SUMF1: variants seen among roughly 807,000 people sequenced by gnomAD.
The protein encoded by SUMF1 is formylglycine-generating enzyme.
A neutral mutation model predicts 47.6 loss-of-function variants in SUMF1; 48 were observed. That is an observed-to-expected ratio of 1.01 (90% CI 0.80 to 1.28). The LOEUF is 1.28. Among genes scored for constraint, SUMF1 ranks in the 50% most tolerant of loss-of-function variants. The pLI, the probability that SUMF1 is intolerant of heterozygous loss-of-function variation, is 0.00. For synonymous variants in SUMF1, 230 were observed against 192.1 expected (o/e 1.20, Z -1.63); for missense variants, 571 against 485.4 (o/e 1.18, Z -1.66).
chr3:4,108,344 T>C (rs1693206177), intron 8 of SUMF1, among the ~76,000 whole-genome samples: 1 of 152,154 alleles, frequency 6.6e-6, no homozygotes, highest in Non-Finnish European at 1.5e-5. Context: ...TACTTCCAAC[T>C]AAGTGGTCAA....
chr3:4,044,106 T>C (rs562989096), intron 9 of SUMF1, among the ~76,000 whole-genome samples: 2 of 152,142 alleles, frequency 1.3e-5, no homozygotes, highest in Non-Finnish European at 2.9e-5. Context: ...TAACCTATAA[T>C]AATAGTTGTG....
At chr3:4,092,461 C>T (rs975252507) in intron 8 of SUMF1, among the ~76,000 whole-genome samples, 2 of 152,086 alleles carry the variant, frequency 1.3e-5, no homozygotes, top group Non-Finnish European at 2.9e-5. Flanking sequence ...TTTGGTGATA[C>T]CACTATTTTA....
At chr3:4,392,388 T>C (rs946483226) in intron 7 of SUMF1, among the ~76,000 whole-genome samples, 2 of 152,064 alleles carry the variant, frequency 1.3e-5, no homozygotes, top group Non-Finnish European at 2.9e-5. Context: ...TAAGTCTTTG[T>C]TAAATCTAGC....
chr3:4,161,749 G>A (rs768538786), intron 8 of SUMF1, among the ~76,000 whole-genome samples: 4 of 152,062 alleles, frequency 2.6e-5, no homozygotes, highest in Non-Finnish European at 4.4e-5. Context: ...TAAGAGCCAA[G>A]ACCTAGAATC....
At chr3:4,214,668 TAG>T (rs577566819) in intron 8 of SUMF1, among the ~76,000 whole-genome samples, 8 of 150,578 alleles carry the variant, frequency 5.3e-5, no homozygotes, top group African/African-American at 1.9e-4. Context: ...GCAAGACTAA[TAG>T]AGAGAAGAAC....
At chr3:4,154,494 C>A (rs1694408533) in intron 8 of SUMF1, among the ~76,000 whole-genome samples, 1 of 151,560 alleles carries the variant, frequency 6.6e-6, no homozygotes, top group South Asian at 2.1e-4. Flanking sequence ...ATCCTTGCCA[C>A]AAACCTACAA....
intron 9 of SUMF1, among the ~76,000 whole-genome samples, chr3:4,059,759 T>C (rs1273578765): frequency 6.7e-6 from 1 of 148,328 alleles, no homozygotes; most frequent in Non-Finnish European, 1.5e-5. Context: ...CAACAAAAAC[T>C]GTGATCCATG....
intron 8 of SUMF1, among the ~76,000 whole-genome samples, chr3:4,124,036 G>A (rs187553850): frequency 2.8e-4 from 43 of 152,234 alleles, no homozygotes; most frequent in Non-Finnish European, 5.1e-4. Context: ...TTACTTACGA[G>A]AATGATTGAG....
intron 8 of SUMF1, among the ~76,000 whole-genome samples, chr3:4,363,481 A>G (rs1699839876): frequency 6.6e-6 from 1 of 151,616 alleles, no homozygotes; most frequent in South Asian, 2.1e-4. Context: ...TTCTCTTTGA[A>G]GTAATTGTGA....
At chr3:4,054,338 T>C (rs1464675114) in intron 9 of SUMF1, among the ~76,000 whole-genome samples, 1 of 152,154 alleles carries the variant, frequency 6.6e-6, no homozygotes, top group African/African-American at 2.4e-5. Context: ...TCTTTTGAAA[T>C]GTCAGCACTA....
chr3:4,307,744 T>A (rs1698246373), intron 8 of SUMF1, among the ~76,000 whole-genome samples: 1 of 152,142 alleles, frequency 6.6e-6, no homozygotes, highest in African/African-American at 2.4e-5. Context: ...GCAGGAAATT[T>A]AAAAAATCCC....
chr3:4,206,164 C>T (rs1044956654), intron 8 of SUMF1, among the ~76,000 whole-genome samples: 1 of 151,268 alleles, frequency 6.6e-6, no homozygotes, highest in Non-Finnish European at 1.5e-5. Flanking sequence ...TTCCTCTCAC[C>T]TCTCCTTTCC....
At chr3:4,040,680 G>A (rs1000653372) in intron 9 of SUMF1, among the ~76,000 whole-genome samples, 9 of 152,252 alleles carry the variant, frequency 5.9e-5, no homozygotes, top group South Asian at 4.1e-4. Flanking sequence ...AGTATGTCAC[G>A]TAAAACTAAC....
At chr3:4,166,710 T>C (rs1052010884) in intron 8 of SUMF1, among the ~76,000 whole-genome samples, 23 of 152,208 alleles carry the variant, frequency 1.5e-4, no homozygotes, top group Non-Finnish European at 2.5e-4. Flanking sequence ...GAGTCTCACT[T>C]GGGTGATGTA....
chr3:4,225,224 G>C (rs762836063), intron 8 of SUMF1, among the ~76,000 whole-genome samples: 23 of 152,240 alleles, frequency 1.5e-4, no homozygotes, highest in Middle Eastern at 3.4e-3. Flanking sequence ...GCTGACAATT[G>C]AGCCTTGAAG....
chr3:4,390,072 G>A (rs1700806505), intron 7 of SUMF1, among the ~76,000 whole-genome samples: 1 of 152,134 alleles, frequency 6.6e-6, no homozygotes, highest in Admixed American at 6.5e-5. Flanking sequence ...AAAAGACTCT[G>A]GATCTTATTA....
At chr3:4,060,360 G>A (rs1259235287) in intron 9 of SUMF1, among the ~76,000 whole-genome samples, 1 of 152,178 alleles carries the variant, frequency 6.6e-6, no homozygotes, top group African/African-American at 2.4e-5. Flanking sequence ...GGAATCCCAG[G>A]AATGCCACTG....
Position 4,242,659 on chromosome 3 carries a change from G to A in SUMF1, c.1014+133671C>T, listed in dbSNP as rs143171075. Among the ~76,000 whole-genome samples the A allele has an allele frequency of 1.8e-3, 281 of 152,244 alleles. 2 individuals carry two copies. The highest frequency in any genetic ancestry group is 6.4e-3 in the African/African-American group (267 of 41,540). On this transcript the variant is annotated intron_variant and NMD_transcript_variant, in intron 8 of 12. Coordinates refer to the SUMF1 transcript ENST00000448413. ...TGGTGGATAAGCTTTTTGATGTGCT[G>A]CTGGATTCAGTTTGCCAGTATTTTA...
chr3:4,362,409 T>C (rs1699797763), intron 8 of SUMF1, among the ~76,000 whole-genome samples, 155 bp from the exon 9 acceptor site: 1 of 152,174 alleles, frequency 6.6e-6, no homozygotes, highest in African/African-American at 2.4e-5. Context: ...GGGCAGCACA[T>C]TCAAGAACTA....
Sources: gnomAD v4.1 joint callset for allele counts (sites outside exome capture counted in the v4.1 genomes callset) on GRCh38, gnomAD v4.1.1 for gene constraint, MANE v1.5 for transcripts, NCBI Gene and HGNC (gene_info 2026-07-23, HGNC 2026-07-21) for gene names.